Variants in DCHS2 observed in about 807,000 individuals in gnomAD.
DCHS2 encodes protocadherin-23.
Under a neutral mutation model 182.4 loss-of-function variants are expected in DCHS2, and 142 were observed. The ratio of observed to expected loss-of-function variants is 0.78; its 90% confidence interval spans 0.68 to 0.89. The LOEUF (loss-of-function observed/expected upper bound fraction) is 0.89. Ranked by LOEUF, DCHS2 falls within the 40% of genes least tolerant of loss-of-function variation. DCHS2 has a pLI of 0.00. For missense variants in DCHS2, 4,319 were observed against 4,198.6 expected (o/e 1.03, Z -0.79); for synonymous variants, 1,740 against 1,663.3 (o/e 1.05, Z -1.12).
chr4:154,310,790 T>A (rs1363414882), intron 10 of DCHS2, among the ~76,000 whole-genome samples: 1 of 152,210 alleles, frequency 6.6e-6, no homozygotes, highest in East Asian at 1.9e-4. Flanking sequence ...AGAGATATTA[T>A]GATGACATCA....
intron 5 of DCHS2, among the ~76,000 whole-genome samples, chr4:154,330,079 T>C (rs1274883544): frequency 6.6e-5 from 10 of 152,236 alleles, no homozygotes; most frequent in Non-Finnish European, 1.3e-4. Flanking sequence ...ATGTGAGCTC[T>C]GACACAGGTT....
chr4:154,466,008 A>G (rs191376032), intron 1 of DCHS2, among the ~76,000 whole-genome samples: 88 of 152,306 alleles, frequency 5.8e-4, no homozygotes, highest in African/African-American at 1.9e-3. Context: ...GTTGCTGTTG[A>G]TAAGGAAAAG....
chr4:154,488,902 C>CTGTGTGTG (rs35075104), intron 1 of DCHS2, among the ~76,000 whole-genome samples: 5 of 62,254 alleles, frequency 8.0e-5, no homozygotes, highest in African/African-American at 3.1e-4. Flanking sequence ...GTGTGTGTGT[C>CTGTGTGTG]TGTGTGTGTG....
chr4:154,251,407 A>AATCATGTC (rs148265981), intron 16 of DCHS2, among the ~76,000 whole-genome samples: 2 of 151,888 alleles, frequency 1.3e-5, no homozygotes, highest in African/African-American at 4.8e-5. Context: ...TTTATAAATC[A>AATCATGTC]TGTCTATTAC....
At chr4:154,457,004 T>C (rs1343937977) in intron 1 of DCHS2, among the ~76,000 whole-genome samples, 2 of 152,186 alleles carry the variant, frequency 1.3e-5, no homozygotes, top group Non-Finnish European at 2.9e-5. Context: ...TGCAACCCAC[T>C]AGAGTATGAG....
intron 1 of DCHS2, among the ~76,000 whole-genome samples, chr4:154,466,828 T>G (rs1051225352): frequency 2.6e-5 from 4 of 152,206 alleles, no homozygotes; most frequent in African/African-American, 9.6e-5. Context: ...GGTAGTGTAT[T>G]TATACTTCTT....
At chr4:154,435,023 A>G (rs1733716709) in intron 1 of DCHS2, among the ~76,000 whole-genome samples, 1 of 152,144 alleles carries the variant, frequency 6.6e-6, no homozygotes, top group South Asian at 2.1e-4. Context: ...AAGAGGGAAA[A>G]CTAGGGATAT....
intron 1 of DCHS2, among the ~76,000 whole-genome samples, chr4:154,396,981 T>C (rs920074801): frequency 6.6e-6 from 1 of 152,104 alleles, no homozygotes; most frequent in African/African-American, 2.4e-5. Flanking sequence ...TCTGAAGGAA[T>C]TGGTAGGAAT....
intron 13 of DCHS2, among the ~76,000 whole-genome samples, chr4:154,285,045 A>G (rs754850278): frequency 6.6e-5 from 10 of 152,160 alleles, no homozygotes; most frequent in Admixed American, 1.3e-4. Flanking sequence ...GCTCAGCCAC[A>G]GTATGATAGG....
intron 13 of DCHS2, among the ~76,000 whole-genome samples, chr4:154,295,541 G>T (rs1445272681): frequency 1.3e-5 from 2 of 152,116 alleles, no homozygotes; most frequent in Non-Finnish European, 2.9e-5. Flanking sequence ...GACAAAAAAA[G>T]ACATACCGTA....
At chr4:154,357,274 C>T (rs760504850) in intron 3 of DCHS2, 2 of 1,613,610 alleles carry the variant, frequency 1.2e-6, no homozygotes, top group East Asian at 2.2e-5. Flanking sequence ...ACTTCCTTGT[C>T]TGCTGAAAAG....
intron 1 of DCHS2, among the ~76,000 whole-genome samples, chr4:154,471,958 T>C (rs1439383403): frequency 1.3e-5 from 2 of 152,210 alleles, no homozygotes; most frequent in East Asian, 1.9e-4. Flanking sequence ...TCAATAGTAA[T>C]GGCATTAAGG....
intron 18 of DCHS2, among the ~76,000 whole-genome samples, chr4:154,240,313 A>G (rs1451431469): frequency 6.6e-6 from 1 of 151,792 alleles, no homozygotes; most frequent in African/African-American, 2.4e-5. Context: ...AAACTAAAAA[A>G]AAAAAAAAAT....
intron 3 of DCHS2, among the ~76,000 whole-genome samples, chr4:154,354,212 C>T (rs2110734511): frequency 6.6e-6 from 1 of 152,340 alleles, no homozygotes; most frequent in African/African-American, 2.4e-5. Flanking sequence ...AGGTGTGAGC[C>T]ACTGCACCCG....
At chr4:154,484,276 A>G (rs138369276) in intron 1 of DCHS2, among the ~76,000 whole-genome samples, 1 of 152,338 alleles carries the variant, frequency 6.6e-6, no homozygotes, top group Non-Finnish European at 1.5e-5. Flanking sequence ...CAAGAGACTC[A>G]GAACTCTCCT....
chr4:154,426,165 C>T (rs1350326545), intron 1 of DCHS2, among the ~76,000 whole-genome samples: 3 of 152,206 alleles, frequency 2.0e-5, no homozygotes, highest in Non-Finnish European at 4.4e-5. Flanking sequence ...CCCCAGACCC[C>T]GCTTCTACTG....
intron 1 of DCHS2, among the ~76,000 whole-genome samples, chr4:154,388,032 C>T (rs896244303): frequency 2.0e-5 from 3 of 152,054 alleles, no homozygotes; most frequent in African/African-American, 7.2e-5. Context: ...TACAGCCCAT[C>T]TGAAAAGTAA....
At chr4:154,245,577 C>T (rs539558173) in intron 16 of DCHS2, among the ~76,000 whole-genome samples, 1 of 152,048 alleles carries the variant, frequency 6.6e-6, no homozygotes, top group East Asian at 1.9e-4. Context: ...ATATCAGCCA[C>T]CAGTAGAAAT....
At chr4:154,388,277 T>TA (rs1489098110) in intron 1 of DCHS2, among the ~76,000 whole-genome samples, 1 of 151,762 alleles carries the variant, frequency 6.6e-6, no homozygotes, top group East Asian at 1.9e-4. Context: ...ATTGTATATT[T>TA]AAAGACACAA....
Sources: allele counts gnomAD v4.1 joint callset (sites outside exome capture counted in the v4.1 genomes callset), GRCh38; gene constraint gnomAD v4.1.1; transcripts MANE v1.5; gene names NCBI Gene and HGNC (gene_info 2026-07-23, HGNC 2026-07-21).